The following DNAH14 variants were observed in gnomAD, a reference collection of about 807,000 sequenced individuals.
The protein encoded by DNAH14 is axonemal beta dynein heavy chain 14.
Under a neutral mutation model 520.9 loss-of-function variants are expected in DNAH14, and 478 were observed. That is an observed-to-expected ratio of 0.92 (90% CI 0.85 to 0.99). The LOEUF (loss-of-function observed/expected upper bound fraction) is 0.99, where lower values mean the gene tolerates loss of function less well. DNAH14 is among the 50% of genes least tolerant of loss of function. The pLI, the probability that DNAH14 is intolerant of heterozygous loss-of-function variation, is 0.00. For missense variants in DNAH14, 4,831 were observed against 5,234.5 expected, an observed-to-expected ratio of 0.92 and a Z score of 2.38; for synonymous variants, 1,581 against 1,757.2, an observed-to-expected ratio of 0.90 and a Z score of 2.51.
intron 8 of DNAH14, among the ~76,000 whole-genome samples, chr1:224,988,226 T>G (rs2062786529): frequency 6.6e-6 from 1 of 152,208 alleles, no homozygotes; most frequent in African/African-American, 2.4e-5. Flanking sequence ...GCAAAAGATA[T>G]GATCTTGTTC....
At chr1:224,949,775 T>C (rs1196476468) in intron 1 of DNAH14, among the ~76,000 whole-genome samples, 1 of 152,208 alleles carries the variant, frequency 6.6e-6, no homozygotes, top group African/African-American at 2.4e-5. Flanking sequence ...TAATACATTA[T>C]ATTTCAACCT....
intron 54 of DNAH14, among the ~76,000 whole-genome samples, chr1:225,281,544 G>C (rs2093627121): frequency 6.6e-6 from 1 of 152,070 alleles, no homozygotes; most frequent in African/African-American, 2.4e-5. Context: ...CATATTTGTG[G>C]GGAATGGGGG....
intron 36 of DNAH14, among the ~76,000 whole-genome samples, chr1:225,175,698 G>C (rs1480434235): frequency 1.5e-5 from 2 of 135,804 alleles, no homozygotes; most frequent in African/African-American, 5.7e-5. Flanking sequence ...GTTTATTTTG[G>C]ATCTTTTTTT....
At chr1:225,112,089 G>A (rs952559282) in intron 23 of DNAH14, among the ~76,000 whole-genome samples, 3 of 151,900 alleles carry the variant, frequency 2.0e-5, no homozygotes, top group African/African-American at 4.8e-5. Context: ...CACAATTACA[G>A]CATTACAATA....
intron 66 of DNAH14, among the ~76,000 whole-genome samples, chr1:225,335,403 A>ATG (rs370062945): frequency 4.5e-5 from 4 of 89,704 alleles, no homozygotes; most frequent in Non-Finnish European, 6.3e-5. Flanking sequence ...ACATGTGTAC[A>ATG]TGTGTGTGTA....
At chr1:225,264,594 A>G (rs77153071) in intron 47 of DNAH14, among the ~76,000 whole-genome samples, 171 of 152,236 alleles carry the variant, frequency 1.1e-3, no homozygotes, top group African/African-American at 4.0e-3. Flanking sequence ...ACATACTGCA[A>G]TAGAAAAGGT....
intron 1 of DNAH14, among the ~76,000 whole-genome samples, chr1:224,942,907 A>G (rs939304065): frequency 1.3e-5 from 2 of 152,192 alleles, no homozygotes; most frequent in Admixed American, 6.5e-5. Context: ...TTGGTTTGCC[A>G]GTATTTTATT....
At chr1:225,045,862 A>T (rs2067910904) in intron 15 of DNAH14, among the ~76,000 whole-genome samples, 1 of 152,088 alleles carries the variant, frequency 6.6e-6, no homozygotes. Context: ...TTTTGAGATT[A>T]TACAGATATC....
At chr1:225,018,978 A>G (rs1229349649) in intron 10 of DNAH14, among the ~76,000 whole-genome samples, 1 of 152,226 alleles carries the variant, frequency 6.6e-6, no homozygotes, top group Non-Finnish European at 1.5e-5. Context: ...ACTTAAGTAC[A>G]TAGGCCATTG....
chr1:225,097,292 T>G, intron 22 of DNAH14, 53 bp downstream of exon 22: 1 of 1,452,214 alleles, frequency 6.9e-7, no homozygotes, highest in Non-Finnish European at 9.2e-7. Flanking sequence ...TGTGAGTAAT[T>G]TATTTTCTTT....
intron 4 of DNAH14, among the ~76,000 whole-genome samples, chr1:224,962,277 G>C (rs1441901646): frequency 1.3e-5 from 2 of 152,074 alleles, no homozygotes; most frequent in Non-Finnish European, 2.9e-5. Flanking sequence ...ATATGGCAAA[G>C]GGATTTTCAG....
At chr1:225,178,402 G>T (rs760245335) in intron 36 of DNAH14, among the ~76,000 whole-genome samples, 3 of 152,262 alleles carry the variant, frequency 2.0e-5, no homozygotes, top group Non-Finnish European at 4.4e-5. Context: ...AAACCCATCA[G>T]ATCTCATGAG....
At chr1:225,235,034 A>C (rs1229464951) in intron 42 of DNAH14, among the ~76,000 whole-genome samples, 2 of 152,130 alleles carry the variant, frequency 1.3e-5, no homozygotes, top group African/African-American at 2.4e-5. Context: ...AATACACTTT[A>C]TTTCTTTCTC....
At chr1:225,222,029 G>T (rs971336220) in intron 41 of DNAH14, among the ~76,000 whole-genome samples, 1 of 152,128 alleles carries the variant, frequency 6.6e-6, no homozygotes, top group African/African-American at 2.4e-5. Flanking sequence ...CTTTTTGGTG[G>T]TGCTGAGCTG....
At chr1:225,254,876 A>G (rs1336719294) in intron 44 of DNAH14, among the ~76,000 whole-genome samples, 2 of 152,204 alleles carry the variant, frequency 1.3e-5, no homozygotes, top group African/African-American at 4.8e-5. Context: ...ACCCAAACCT[A>G]TTGTTTCAAC....
At chr1:225,050,928 C>T (rs1024583103) in intron 16 of DNAH14, among the ~76,000 whole-genome samples, 3 of 152,168 alleles carry the variant, frequency 2.0e-5, no homozygotes, top group Non-Finnish European at 4.4e-5. Context: ...GGATGCACAA[C>T]CTAGATCCCT....
intron 38 of DNAH14, among the ~76,000 whole-genome samples, chr1:225,201,933 T>C (rs983456874): frequency 2.1e-5 from 3 of 144,210 alleles, no homozygotes; most frequent in African/African-American, 8.0e-5. Context: ...TGGAGTGCAA[T>C]GGTGCAATCT....
chr1:225,257,943 T>C lies in DNAH14; in HGVS notation c.6866-17T>C. 6.5e-7 allele frequency: 1 copy of C among 1,534,100 alleles called. No individual in the cohort carries two copies. The highest frequency in any genetic ancestry group is 8.8e-7 in the Non-Finnish European group (1 of 1,139,628). On this transcript the variant is annotated splice_polypyrimidine_tract_variant and intron_variant, in intron 44 of 85. Transcript: ENST00000682510. Reference sequence around the variant, plus strand: ...CTTTCTAGGTCATTTGAAACTTTTTTTAAAATGTTAACTTAGGAACTTCAT... The same window carrying C: ...CTTTCTAGGTCATTTGAAACTTTTTCTAAAATGTTAACTTAGGAACTTCAT...
At chr1:225,122,544 TG>T (rs2077383865) in intron 26 of DNAH14, among the ~76,000 whole-genome samples, 1 of 152,142 alleles carries the variant, frequency 6.6e-6, no homozygotes, top group Non-Finnish European at 1.5e-5. Context: ...AAAAGAGAAA[TG>T]TAACTATATG....
Sources: allele counts gnomAD v4.1 joint callset (sites outside exome capture counted in the v4.1 genomes callset), GRCh38; gene constraint gnomAD v4.1.1; transcripts MANE v1.5; gene names NCBI Gene and HGNC (gene_info 2026-07-23, HGNC 2026-07-21).